Variants in MNAT1 observed in about 807,000 individuals in gnomAD.
The protein encoded by MNAT1 is CDK-activating kinase assembly factor MAT1.
MNAT1 carries 43 observed loss-of-function variants against 42.0 expected under a neutral mutation model. The observed-to-expected ratio is 1.02, with a 90% CI of 0.80 to 1.32. The LOEUF is 1.32. Ranked by LOEUF, MNAT1 falls within the 40% of genes most tolerant of loss-of-function variation. The pLI is 0.00. For missense variants in MNAT1, 306 were observed against 350.4 expected (o/e 0.87, Z 1.01); for synonymous variants, 118 against 120.0 (o/e 0.98, Z 0.11).
In MNAT1 at chr14:60,796,071, T is replaced by C. The variant is rs768679809; in HGVS notation, c.90-146T>C. ...GTAAGCTCCAAATGAAAAAGAACAT[T>C]TTCCAGAAAGTTTTTTGGTAAGATT... On this transcript the variant is annotated intron_variant, in intron 1 of 7. Coordinates refer to ENST00000261245, the MANE Select transcript of MNAT1 (RefSeq NM_002431.4). 38 of 638,356 alleles carry C rather than the reference T, an allele frequency of 6.0e-5. 1 individual carries two copies. The East Asian group carries it at 1.0e-3, about 17-fold the overall frequency. The allele number at this position is 638,356 out of a possible 1,614,324, so 39.5% of individuals were successfully genotyped here.
intron 7 of MNAT1, among the ~76,000 whole-genome samples, chr14:60,948,170 C>T (rs1459969439): frequency 6.6e-6 from 1 of 152,156 alleles, no homozygotes; most frequent in Non-Finnish European, 1.5e-5. Flanking sequence ...GTGACTCACG[C>T]CTGTAATCTC....
chr14:60,793,023 C>CTT (rs370204362), intron 1 of MNAT1, among the ~76,000 whole-genome samples: 3 of 144,288 alleles, frequency 2.1e-5, no homozygotes, highest in African/African-American at 2.5e-5. Context: ...TCTTCTTCTT[C>CTT]TTTTTTTTTT....
At chr14:60,862,440 T>C (rs1206179194) in intron 6 of MNAT1, among the ~76,000 whole-genome samples, 1 of 152,188 alleles carries the variant, frequency 6.6e-6, no homozygotes, top group Non-Finnish European at 1.5e-5. Flanking sequence ...ATAAATGTTG[T>C]GAAATAATGC....
At chr14:60,821,613 GT>G (rs2032892133) in intron 6 of MNAT1, among the ~76,000 whole-genome samples, 1 of 152,186 alleles carries the variant, frequency 6.6e-6, no homozygotes, top group Admixed American at 6.5e-5. Flanking sequence ...TCGATCAAGT[GT>G]GATTTTCATG....
At chr14:60,922,604 G>A (rs891288441) in intron 7 of MNAT1, among the ~76,000 whole-genome samples, 2 of 151,998 alleles carry the variant, frequency 1.3e-5, no homozygotes, top group African/African-American at 2.4e-5. Flanking sequence ...GGAAATCAGG[G>A]ATCTCTACAG....
chr14:60,768,852 T>A (rs2140305464), intron 1 of MNAT1, among the ~76,000 whole-genome samples: 1 of 152,348 alleles, frequency 6.6e-6, no homozygotes, highest in South Asian at 2.1e-4. Context: ...ACACTTTGTA[T>A]AAACCCTTTT....
At chr14:60,889,342 C>T (rs989738672) in intron 7 of MNAT1, among the ~76,000 whole-genome samples, 3 of 152,066 alleles carry the variant, frequency 2.0e-5, no homozygotes, top group Non-Finnish European at 4.4e-5. Flanking sequence ...GAAAAACAAG[C>T]AATGGGGAAA....
chr14:60,848,720 C>T (rs2033742222), intron 6 of MNAT1, among the ~76,000 whole-genome samples: 1 of 151,972 alleles, frequency 6.6e-6, no homozygotes, highest in African/African-American at 2.4e-5. Context: ...ATATATGTCA[C>T]ATAAAAACAC....
At chr14:60,755,422 G>C (rs996489512) in intron 1 of MNAT1, among the ~76,000 whole-genome samples, 7 of 152,106 alleles carry the variant, frequency 4.6e-5, no homozygotes, top group African/African-American at 1.4e-4. Context: ...TATTACAGGC[G>C]TGAGCCACTG....
intron 6 of MNAT1, among the ~76,000 whole-genome samples, chr14:60,843,854 G>A (rs2033612273): frequency 6.6e-6 from 1 of 152,024 alleles, no homozygotes; most frequent in Non-Finnish European, 1.5e-5. Context: ...TCCTATCTAA[G>A]GAACCTTTTC....
intron 1 of MNAT1, among the ~76,000 whole-genome samples, chr14:60,793,058 G>A (rs936935903): frequency 1.3e-5 from 2 of 150,002 alleles, no homozygotes; most frequent in African/African-American, 4.9e-5. Context: ...TTGCTCTGTC[G>A]CCCAGACTGG....
At chr14:60,902,731 A>G (rs2035096463) in intron 7 of MNAT1, among the ~76,000 whole-genome samples, 1 of 152,156 alleles carries the variant, frequency 6.6e-6, no homozygotes, top group Non-Finnish European at 1.5e-5. Flanking sequence ...TAGTTTTTAT[A>G]TATATCACAC....
chr14:60,899,877 C>G lies in MNAT1; in HGVS notation c.809+20042C>G, dbSNP rs549658151. ...GTCTGTTTTTCACATTTGGTTAATT[C>G]TTACACTATTTCAGACTTTTGCATG... On this transcript the variant is annotated intron_variant, in intron 7 of 7. Coordinates refer to ENST00000261245, the MANE Select transcript of MNAT1 (RefSeq NM_002431.4). Among the ~76,000 whole-genome samples the G allele has an allele frequency of 2.0e-5, 3 of 152,166 alleles. No homozygotes were observed. The South Asian group carries it at 6.2e-4, about 32-fold the overall frequency.
At chr14:60,780,054 T>C (rs1323856303) in intron 1 of MNAT1, 1 of 1,502,934 alleles carries the variant, frequency 6.7e-7, no homozygotes, top group African/African-American at 1.4e-5. Flanking sequence ...TTCTTCTCAT[T>C]CGGCATCAAC....
rs567353120 is a variant in MNAT1, at chr14:60,824,750, T to A, written c.687+5903T>A. 6.6e-5 allele frequency among the ~76,000 whole-genome samples: 10 copies of A among 152,320 alleles called. No individual in the cohort carries two copies. In the South Asian group the frequency reaches 2.1e-3, roughly 32 times the overall value. On this transcript the variant is annotated intron_variant, in intron 6 of 7. Transcript: ENST00000261245. ...ATAAAATGCTAAAGCTGGTGCCCAA[T>A]GTATGCTAGCCATGTGGTAAATAGT...
chr14:60,905,928 T>C (rs1192662028), intron 7 of MNAT1, among the ~76,000 whole-genome samples: 1 of 152,202 alleles, frequency 6.6e-6, no homozygotes, highest in African/African-American at 2.4e-5. Context: ...GGAGATCCTT[T>C]AGCCCAGTCA....
chr14:60,900,455 C>CT lies in MNAT1; in HGVS notation c.809+20623dup, dbSNP rs1232960281. Among the ~76,000 whole-genome samples the CT allele has an allele frequency of 3.9e-5, 6 of 152,160 alleles. No individual in the cohort carries two copies. In the South Asian group the frequency reaches 6.2e-4, roughly 16 times the overall value. On this transcript the variant is annotated intron_variant, in intron 7 of 7. Transcript: ENST00000261245. ...AACAATCCCTTAAACCAAAGCCTAA[C>CT]TTTCTTTAATCCTATGAAGGCTGAG... is the stretch of plus-strand genomic sequence containing the variant.
At chr14:60,840,693 A>G (rs961115051) in intron 6 of MNAT1, among the ~76,000 whole-genome samples, 2 of 151,926 alleles carry the variant, frequency 1.3e-5, no homozygotes, top group African/African-American at 4.8e-5. Context: ...TCAGAGTTTC[A>G]TTCTTGTTGC....
At chr14:60,757,073 G>C (rs2140297242) in intron 1 of MNAT1, among the ~76,000 whole-genome samples, 1 of 152,226 alleles carries the variant, frequency 6.6e-6, no homozygotes, top group Admixed American at 6.5e-5. Flanking sequence ...TATTTGACTT[G>C]TTAGTTTGAA....
Sources: allele counts gnomAD v4.1 joint callset (sites outside exome capture counted in the v4.1 genomes callset), GRCh38; gene constraint gnomAD v4.1.1; transcripts MANE v1.5; gene names NCBI Gene and HGNC (gene_info 2026-07-23, HGNC 2026-07-21).